Variants in SRBD1 observed in about 807,000 individuals in gnomAD.
SRBD1 encodes the protein S1 RNA binding domain 1.
SRBD1 carries 88 observed loss-of-function variants against 115.3 expected under a neutral mutation model. That is an observed-to-expected ratio of 0.76 (90% CI 0.64 to 0.91). The LOEUF is 0.91. SRBD1 is among the 40% of genes least tolerant of loss of function. The probability of loss-of-function intolerance (pLI) is 0.00; values close to 1 mark genes in which losing one functional copy is unlikely to be tolerated. For missense variants in SRBD1, 1,385 were observed against 1,177.4 expected (o/e 1.18, Z -2.58); for synonymous variants, 509 against 407.7 (o/e 1.25, Z -2.99).
intron 19 of SRBD1, among the ~76,000 whole-genome samples, chr2:45,397,841 C>T (rs1667189589): frequency 6.6e-6 from 1 of 152,164 alleles, no homozygotes; most frequent in South Asian, 2.1e-4. Context: ...TCAAGAGATC[C>T]ACCCACCTTG....
chr2:45,562,441 C>T (rs1053035497), intron 10 of SRBD1, among the ~76,000 whole-genome samples: 1 of 152,090 alleles, frequency 6.6e-6, no homozygotes, highest in African/African-American at 2.4e-5. Flanking sequence ...ACCATCTTGG[C>T]CAGGCTCATA....
chr2:45,428,417 G>A (rs1456544324), intron 16 of SRBD1, among the ~76,000 whole-genome samples: 1 of 152,142 alleles, frequency 6.6e-6, no homozygotes, highest in Non-Finnish European at 1.5e-5. Context: ...TGGGCGTGGT[G>A]GCAAGCGCCT....
chr2:45,602,279 C>T (rs1433792107), intron 2 of SRBD1, among the ~76,000 whole-genome samples, 196 bp from the exon 3 acceptor site: 1 of 152,184 alleles, frequency 6.6e-6, no homozygotes, highest in Non-Finnish European at 1.5e-5. Flanking sequence ...TATAAAAATA[C>T]CGCAGTATGC....
chr2:45,412,689 G>A (rs1051074614), intron 19 of SRBD1, among the ~76,000 whole-genome samples: 1 of 152,122 alleles, frequency 6.6e-6, no homozygotes, highest in Admixed American at 6.5e-5. Flanking sequence ...CTCACTAAAA[G>A]TACATCATTT....
At chr2:45,607,874 C>T (rs545561207) in intron 1 of SRBD1, among the ~76,000 whole-genome samples, 10 of 152,266 alleles carry the variant, frequency 6.6e-5, no homozygotes, top group Admixed American at 2.0e-4. Context: ...CCTAGTCTTC[C>T]GCCACTAAAT....
intron 16 of SRBD1, among the ~76,000 whole-genome samples, chr2:45,427,512 A>AT: frequency 6.6e-6 from 1 of 152,230 alleles, no homozygotes. Flanking sequence ...ACCAACAAAG[A>AT]TAAAAAAAGA....
intron 16 of SRBD1, among the ~76,000 whole-genome samples, chr2:45,462,884 A>G (rs1409887030): frequency 6.6e-6 from 1 of 151,290 alleles, no homozygotes; most frequent in East Asian, 1.9e-4. Context: ...CCAAAAATAG[A>G]TTTTTTAAGG....
chr2:45,479,693 G>C (rs554966677), intron 15 of SRBD1, among the ~76,000 whole-genome samples: 3 of 152,310 alleles, frequency 2.0e-5, no homozygotes, highest in African/African-American at 7.2e-5. Flanking sequence ...TGCTGATGTA[G>C]AAGCTGTAGC....
chr2:45,580,583 T>C (rs1406796633), intron 6 of SRBD1, among the ~76,000 whole-genome samples: 1 of 148,172 alleles, frequency 6.7e-6, no homozygotes, highest in Non-Finnish European at 1.5e-5. Context: ...GTGATCTTGA[T>C]CTCTTGGTCT....
chr2:45,601,442 A>T (rs554704725), intron 3 of SRBD1, among the ~76,000 whole-genome samples: 1 of 152,256 alleles, frequency 6.6e-6, no homozygotes, highest in African/African-American at 2.4e-5. Flanking sequence ...CAAGAGAGAT[A>T]TATCTGTTCC....
chr2:45,544,048 G>A (rs184839496), intron 14 of SRBD1, among the ~76,000 whole-genome samples: 48 of 151,956 alleles, frequency 3.2e-4, no homozygotes, highest in African/African-American at 5.5e-4. Context: ...TGGCTAATAC[G>A]GTGAAAACCC....
chr2:45,412,019 G>A (rs765956545), intron 19 of SRBD1, among the ~76,000 whole-genome samples: 48 of 152,010 alleles, frequency 3.2e-4, no homozygotes, highest in East Asian at 2.9e-3. Flanking sequence ...AGGTTGACGC[G>A]CAAGAATCAC....
At chr2:45,546,483 A>G (rs1024117658) in intron 14 of SRBD1, 1 of 472,652 alleles carries the variant, frequency 2.1e-6, no homozygotes, top group Admixed American at 6.4e-5. Context: ...AAATCCAATG[A>G]AACTGAGCCC....
intron 10 of SRBD1, among the ~76,000 whole-genome samples, chr2:45,554,407 C>G (rs1558474665): frequency 6.6e-6 from 1 of 152,196 alleles, no homozygotes; most frequent in Non-Finnish European, 1.5e-5. Context: ...GTTAAGACAG[C>G]CACTGTATCC....
chr2:45,540,950 C>A (rs1464846011), intron 14 of SRBD1, among the ~76,000 whole-genome samples: 1 of 152,222 alleles, frequency 6.6e-6, no homozygotes, highest in African/African-American at 2.4e-5. Flanking sequence ...CTTTTCCAGC[C>A]AGACACCTCT....
chr2:45,577,131 C>A (rs774168581), intron 7 of SRBD1, among the ~76,000 whole-genome samples: 7 of 152,218 alleles, frequency 4.6e-5, no homozygotes, highest in Non-Finnish European at 7.3e-5. Context: ...CCTTGAGCTA[C>A]TTCTAGAGCA....
chr2:45,586,738 G>C lies in SRBD1; in HGVS notation c.649-964C>G, dbSNP rs191595586. 5.9e-3 allele frequency among the ~76,000 whole-genome samples: 886 copies of C among 149,942 alleles called. 3 individuals carry two copies. The highest frequency in any genetic ancestry group is 0.012 in the African/African-American group (485 of 40,832). On this transcript the variant is annotated intron_variant, in intron 4 of 20. Coordinates refer to ENST00000263736, the MANE Select transcript of SRBD1 (RefSeq NM_018079.5). ...TTTTTTTTTTTATTAGTGGAAATGA[G>C]GTCTTACTACATTGCCCAAGCTGGT...
intron 14 of SRBD1, among the ~76,000 whole-genome samples, chr2:45,488,635 C>G (rs535364783): frequency 6.6e-6 from 1 of 152,138 alleles, no homozygotes; most frequent in Admixed American, 6.5e-5. Context: ...TGAATACTCT[C>G]CCATGATGCC....
chr2:45,598,331 C>T (rs1203216273), intron 4 of SRBD1, among the ~76,000 whole-genome samples: 1 of 152,078 alleles, frequency 6.6e-6, no homozygotes, highest in Non-Finnish European at 1.5e-5. Context: ...TTACCAGTGA[C>T]AGGCCAGGCG....
Sources: allele counts gnomAD v4.1 joint callset (sites outside exome capture counted in the v4.1 genomes callset), GRCh38; gene constraint gnomAD v4.1.1; transcripts MANE v1.5; gene names NCBI Gene and HGNC (gene_info 2026-07-23, HGNC 2026-07-21).